Variants in CSMD2 observed in about 807,000 individuals in gnomAD.
CSMD2 encodes CUB and Sushi multiple domains 2, also known as CUB and sushi domain-containing protein 2.
CSMD2 carries 130 observed loss-of-function variants against 398.5 expected under a neutral mutation model. The observed-to-expected ratio is 0.33, with a 90% CI of 0.28 to 0.38. The LOEUF (loss-of-function observed/expected upper bound fraction) is 0.38, where lower values mean the gene tolerates loss of function less well. Ranked by LOEUF, CSMD2 falls within the 10% of genes least tolerant of loss-of-function variation. The pLI, the probability that CSMD2 is intolerant of heterozygous loss-of-function variation, is 1.00. For missense variants in CSMD2, 3,829 were observed against 4,764.9 expected (o/e 0.80, Z 5.78); for synonymous variants, 1,828 against 1,908.5 (o/e 0.96, Z 1.10).
intron 2 of CSMD2, among the ~76,000 whole-genome samples, chr1:34,061,883 T>C (rs960340991): frequency 6.6e-6 from 1 of 152,198 alleles, no homozygotes; most frequent in Non-Finnish European, 1.5e-5. Flanking sequence ...TATTGCCGTC[T>C]ATGCACATGG....
intron 13 of CSMD2, among the ~76,000 whole-genome samples, chr1:33,743,973 A>T (rs1647177088): frequency 6.6e-6 from 1 of 152,208 alleles, no homozygotes; most frequent in African/African-American, 2.4e-5. Flanking sequence ...TGATATCTGT[A>T]ATAGTGTCCA....
intron 26 of CSMD2, among the ~76,000 whole-genome samples, chr1:33,661,612 G>A (rs1266827108): frequency 6.6e-6 from 1 of 152,164 alleles, no homozygotes; most frequent in African/African-American, 2.4e-5. Flanking sequence ...GTATTCCATG[G>A]AACTCTTAGG....
In CSMD2 at chr1:33,550,030, G is replaced by A. The variant is rs991698525; in HGVS notation, c.8917+147C>T. Reference sequence around the variant, plus strand: ...AGCTCCATTGGGACCTTGTCTTGCTGTGCTTTCTACCTGTTAGGGTAGATA... The same window carrying A: ...AGCTCCATTGGGACCTTGTCTTGCTATGCTTTCTACCTGTTAGGGTAGATA... On this transcript the variant is annotated intron_variant, in intron 56 of 70. Transcript: ENST00000373381. 1.7e-5 allele frequency: 13 copies of A among 751,446 alleles called. No homozygotes were observed. In the East Asian group the frequency reaches 3.5e-4, roughly 20 times the overall value. 46.5% of individuals were successfully genotyped at this position (751,446 alleles called of 1,614,324 possible).
Position 33,571,610 on chromosome 1 carries a change from A to G in CSMD2, c.7879T>C (p.Tyr2627His), listed in dbSNP as rs1165032275. 6.3e-7 allele frequency: 1 copy of G among 1,591,792 alleles called. No individual in the cohort carries two copies. The highest frequency in any genetic ancestry group is 1.2e-5 in the South Asian group (1 of 86,692). The change falls in exon 51 of 71, where the codon TAC (tyrosine) becomes CAC (histidine). Residue 2627 changes from tyrosine to histidine, a missense_variant. By Grantham distance (83) the Tyr-to-His change is moderately conservative. Transcript: ENST00000373381. ...QLMLICDPGYYYTGQRVIRCQ... is the reference protein window; with the variant it reads ...QLMLICDPGYHYTGQRVIRCQ... ...CGGATGACCCTTTGGCCAGTATAGTAGTAGCCAGGGTCACAGATGAGCATC... is the reference window on the plus strand; with the variant it reads ...CGGATGACCCTTTGGCCAGTATAGTGGTAGCCAGGGTCACAGATGAGCATC...
chr1:33,940,788 G>C (rs1426908551), intron 3 of CSMD2, among the ~76,000 whole-genome samples: 1 of 152,228 alleles, frequency 6.6e-6, no homozygotes, highest in East Asian at 1.9e-4. Context: ...AAGATGAAGA[G>C]AGATTACCCG....
chr1:33,922,213 A>T (rs1005223212), intron 4 of CSMD2, among the ~76,000 whole-genome samples: 1 of 152,156 alleles, frequency 6.6e-6, no homozygotes, highest in African/African-American at 2.4e-5. Context: ...AGCAGGACAG[A>T]GAGGGAAGCT....
intron 3 of CSMD2, among the ~76,000 whole-genome samples, chr1:34,013,860 C>A (rs1225374793): frequency 6.6e-6 from 1 of 152,088 alleles, no homozygotes; most frequent in Non-Finnish European, 1.5e-5. Flanking sequence ...CTTACATGGG[C>A]AGATAGGTTC....
intron 29 of CSMD2, among the ~76,000 whole-genome samples, chr1:33,639,434 T>C (rs963336172): frequency 3.9e-5 from 6 of 152,232 alleles, no homozygotes; most frequent in Admixed American, 6.5e-5. Flanking sequence ...CCTACACTTT[T>C]AATGCCACCT....
At chr1:34,007,707 CAG>C (rs1647103560) in intron 3 of CSMD2, among the ~76,000 whole-genome samples, 2 of 152,080 alleles carry the variant, frequency 1.3e-5, no homozygotes, top group African/African-American at 4.8e-5. Context: ...AATTTAAACA[CAG>C]GGGATTGGCT....
intron 1 of CSMD2, among the ~76,000 whole-genome samples, chr1:34,161,199 A>C (rs1461047188): frequency 6.6e-6 from 1 of 152,232 alleles, no homozygotes; most frequent in Non-Finnish European, 1.5e-5. Context: ...CTTAAGAAAG[A>C]AGCTAATAAG....
intron 2 of CSMD2, among the ~76,000 whole-genome samples, chr1:34,080,718 C>A (rs1179385030): frequency 6.6e-6 from 1 of 151,640 alleles, no homozygotes; most frequent in African/African-American, 2.4e-5. Flanking sequence ...TTTTTATTAT[C>A]AAACAAGAAA....
At chr1:34,135,431 C>T (rs1368793590) in intron 1 of CSMD2, among the ~76,000 whole-genome samples, 3 of 151,816 alleles carry the variant, frequency 2.0e-5, no homozygotes, top group Non-Finnish European at 2.9e-5. Context: ...CCATCTTGAC[C>T]AACATGGTGA....
Position 34,163,656 on chromosome 1 carries a change from CAAAACA to C in CSMD2, c.187+1249_187+1254del, listed in dbSNP as rs560064420. Among the ~76,000 whole-genome samples, 6 of 152,010 alleles carry C rather than the reference CAAAACA, an allele frequency of 3.9e-5. No homozygotes were observed. The highest frequency in any genetic ancestry group is 1.9e-4 in the East Asian group (1 of 5,162). On this transcript the variant is annotated intron_variant, in intron 1 of 70. Coordinates refer to ENST00000373381, the MANE Select transcript of CSMD2 (RefSeq NM_001281956.2). The surrounding 1 kb of genome is among the most constrained non-coding windows in gnomAD (Gnocchi z 5.4). ...TCGGTGGTTTCAAAACAAAACAAAA[CAAAACA>C]AAAACAAAAACAAAAAAGAAAACAC...
At chr1:33,994,008 T>G (rs1003395000) in intron 3 of CSMD2, among the ~76,000 whole-genome samples, 1 of 152,206 alleles carries the variant, frequency 6.6e-6, no homozygotes, top group Non-Finnish European at 1.5e-5. Flanking sequence ...AAAGGTCACG[T>G]TCTGTTAAGA....
chr1:33,657,283 T>C (rs1053723455), intron 27 of CSMD2, among the ~76,000 whole-genome samples: 2 of 152,068 alleles, frequency 1.3e-5, no homozygotes, highest in South Asian at 2.1e-4. Context: ...CTGAGCAACA[T>C]AGTGAGACTC....
chr1:34,076,071 T>C (rs1369176232), intron 2 of CSMD2, among the ~76,000 whole-genome samples: 1 of 152,224 alleles, frequency 6.6e-6, no homozygotes, highest in Non-Finnish European at 1.5e-5. Flanking sequence ...AGATGAAATG[T>C]GAGATGCTTT....
chr1:33,806,262 G>A (rs1656218917), intron 10 of CSMD2, among the ~76,000 whole-genome samples: 1 of 152,192 alleles, frequency 6.6e-6, no homozygotes, highest in Admixed American at 6.5e-5. Flanking sequence ...TTGACACTGA[G>A]TAGACAAGAA....
intron 13 of CSMD2, among the ~76,000 whole-genome samples, chr1:33,767,178 T>C (rs1650617695): frequency 1.3e-5 from 2 of 152,196 alleles, no homozygotes; most frequent in South Asian, 4.1e-4. Flanking sequence ...CATGGTAAGA[T>C]TCACAGCAGA....
At chr1:34,018,021 C>T (rs2148099535) in intron 3 of CSMD2, among the ~76,000 whole-genome samples, 1 of 151,920 alleles carries the variant, frequency 6.6e-6, no homozygotes, top group South Asian at 2.1e-4. Flanking sequence ...ACTTGAGTAG[C>T]CATAAAGAGG....
Sources: gnomAD v4.1 joint callset for allele counts (sites outside exome capture counted in the v4.1 genomes callset) on GRCh38, gnomAD v4.1.1 for gene constraint, Gnocchi (gnomAD v3.1) non-coding constraint, MANE v1.5 for transcripts, NCBI Gene and HGNC (gene_info 2026-07-23, HGNC 2026-07-21) for gene names.